KCNJ15: variants seen among roughly 807,000 people sequenced by gnomAD.
KCNJ15 encodes the protein ATP-sensitive inward rectifier potassium channel 15.
Under a neutral mutation model 23.0 loss-of-function variants are expected in KCNJ15, and 14 were observed. The ratio of observed to expected loss-of-function variants is 0.61; its 90% confidence interval spans 0.40 to 0.95. KCNJ15 has a LOEUF of 0.95. KCNJ15 is among the 40% of genes least tolerant of loss of function. The pLI, the probability that KCNJ15 is intolerant of heterozygous loss-of-function variation, is 0.00. For missense variants in KCNJ15, 388 were observed against 461.8 expected, an observed-to-expected ratio of 0.84 and a Z score of 1.46; for synonymous variants, 185 against 183.2, an observed-to-expected ratio of 1.01 and a Z score of -0.08.
chr21:38,238,246 C>T (rs1394425863), intron 1 of KCNJ15: 5 of 621,396 alleles, frequency 8.0e-6, no homozygotes, highest in African/African-American at 1.8e-5. Flanking sequence ...TAGCAGTTTT[C>T]GTAATTCACA....
chr21:38,281,237 T>C (rs141403399), intron 1 of KCNJ15, among the ~76,000 whole-genome samples: 8 of 152,294 alleles, frequency 5.3e-5, no homozygotes, highest in African/African-American at 9.6e-5. Context: ...GCACAATATA[T>C]ACATTTTTCG....
rs145250493 is a variant in KCNJ15 at position 38,246,599 on chromosome 21, A to T, written c.-398-10447A>T. Among the ~76,000 whole-genome samples, 4 of 152,316 alleles carry T rather than the reference A, an allele frequency of 2.6e-5. No homozygotes were observed. In the East Asian group the frequency reaches 7.7e-4, roughly 29 times the overall value. ...AAGATTAGTGTTAAAAACACAGACAAAGTCTGAATCTCTCCAATGCTTGAT... is the reference window on the plus strand; with the variant it reads ...AAGATTAGTGTTAAAAACACAGACATAGTCTGAATCTCTCCAATGCTTGAT... On this transcript the variant is annotated intron_variant, in intron 1 of 4. Coordinates refer to the KCNJ15 transcript ENST00000547341.
intron 1 of KCNJ15, among the ~76,000 whole-genome samples, chr21:38,288,056 T>TTTTTTTTTTTTTTTTTTTTC: frequency 7.6e-6 from 1 of 132,130 alleles, no homozygotes; most frequent in Non-Finnish European, 1.6e-5. Context: ...TTTTTTTTTT[T>TTTTTTTTTTTTTTTTTTTTC]TTGAGATGGA....
At position 38,257,123 on chromosome 21, in the gene KCNJ15, C is replaced by T. The variant is rs1168035157; in HGVS notation, c.-179C>T. ...CCCAAGGCAACCTGTCTGGACTGAGCATTTCTCTGACTTGACATAACTTCC... is the reference window on the plus strand; with the variant it reads ...CCCAAGGCAACCTGTCTGGACTGAGTATTTCTCTGACTTGACATAACTTCC... On this transcript the variant is annotated 5_prime_UTR_variant, in exon 1 of 3. Coordinates refer to ENST00000398938, the MANE Select transcript of KCNJ15 (RefSeq NM_170736.3). 1 of 152,254 alleles carries T rather than the reference C, an allele frequency of 6.6e-6. No homozygotes were observed. Among genetic ancestry groups the T allele is most frequent in the Non-Finnish European group, 1.5e-5 (1 of 68,054 alleles). 9.4% of individuals were successfully genotyped at this position (152,254 alleles called of 1,614,324 possible).
upstream of KCNJ15, among the ~76,000 whole-genome samples, chr21:38,252,349 T>C (rs369861050): frequency 1.3e-5 from 2 of 152,212 alleles, no homozygotes; most frequent in African/African-American, 2.4e-5. Flanking sequence ...TTCCCCTTCC[T>C]GTGGGCTTCT....
intron 1 of KCNJ15, among the ~76,000 whole-genome samples, chr21:38,235,730 A>G (rs1224789969): frequency 2.6e-5 from 4 of 152,178 alleles, no homozygotes; most frequent in African/African-American, 7.2e-5. Flanking sequence ...TACTCTATCA[A>G]TAATATGAAT....
At chr21:38,259,726 C>T (rs1980684669) in intron 1 of KCNJ15, among the ~76,000 whole-genome samples, 1 of 152,138 alleles carries the variant, frequency 6.6e-6, no homozygotes, top group Non-Finnish European at 1.5e-5. Flanking sequence ...GCTTTTGGTG[C>T]AGCTGATGGT....
At chr21:38,259,429 A>G (rs1231588415) in intron 1 of KCNJ15, among the ~76,000 whole-genome samples, 1 of 152,184 alleles carries the variant, frequency 6.6e-6, no homozygotes, top group African/African-American at 2.4e-5. Context: ...TATGTAAGTG[A>G]TACAGCTACC....
At chr21:38,298,544 C>T (rs1985408139) in intron 2 of KCNJ15, among the ~76,000 whole-genome samples, 1 of 152,108 alleles carries the variant, frequency 6.6e-6, no homozygotes, top group African/African-American at 2.4e-5. Flanking sequence ...TTTCCAAAGT[C>T]ATAACAAAAC....
At chr21:38,285,815 C>T (rs1048076425) in intron 1 of KCNJ15, 2 of 152,080 alleles carry the variant, frequency 1.3e-5, no homozygotes, top group Non-Finnish European at 2.9e-5. Context: ...TGGGAGATAC[C>T]GGAGGATTTA....
chr21:38,260,271 G>C (rs1980745047), intron 1 of KCNJ15, among the ~76,000 whole-genome samples: 2 of 152,294 alleles, frequency 1.3e-5, no homozygotes, highest in South Asian at 4.1e-4. Flanking sequence ...CACGTCTCTG[G>C]ATGAATTCAG....
chr21:38,246,755 G>A (rs575033234), intron 1 of KCNJ15, among the ~76,000 whole-genome samples: 117 of 152,270 alleles, frequency 7.7e-4, no homozygotes, highest in African/African-American at 2.5e-3. Context: ...TATGAGGAGT[G>A]TGTGTGTGGG....
rs1270516403 is a variant in KCNJ15 at position 38,305,042 on chromosome 21, T to C, written c.*4653T>C. ...TTGCAGTGAGCTAAGATCGCGCCAC[T>C]GCACTCCAGCCTGGGCAACAAAAGT... On this transcript the variant is annotated 3_prime_UTR_variant, in exon 3 of 3. Transcript: ENST00000398938. 1.6e-5 allele frequency: 2 copies of C among 125,536 alleles called. No homozygotes were observed. Among genetic ancestry groups the C allele is most frequent in the African/African-American group, 6.1e-5 (2 of 33,024 alleles). The allele number at this position is 125,536 out of a possible 1,614,324, so 7.8% of individuals were successfully genotyped here.
chr21:38,299,490 A>T lies in KCNJ15; in HGVS notation c.229A>T (p.Thr77Ser). The T allele has an allele frequency of 6.2e-7, 1 of 1,614,130 alleles. No individual in the cohort carries two copies. The highest frequency in any genetic ancestry group is 2.2e-5 in the East Asian group (1 of 44,880). The change falls in exon 3 of 3, where the codon ACC becomes TCC. Residue 77 changes from threonine to serine, a missense_variant. Coordinates refer to ENST00000398938, the MANE Select transcript of KCNJ15 (RefSeq NM_170736.3). The surrounding 1 kb of genome is among the most constrained non-coding windows in gnomAD (Gnocchi z 4.5). Reference protein sequence around the residue: ...LTLFAATFVMTWFLFGVIYYA... With the variant: ...LTLFAATFVMSWFLFGVIYYA... The stretch of plus-strand genomic sequence containing the variant: ...CCTGTTCGCTGCCACTTTTGTGATG[A>T]CCTGGTTCCTTTTTGGAGTCATCTA...
chr21:38,249,463 A>G (rs1979681408), intron 1 of KCNJ15, among the ~76,000 whole-genome samples: 1 of 152,220 alleles, frequency 6.6e-6, no homozygotes, highest in African/African-American at 2.4e-5. Flanking sequence ...GGTGACCACA[A>G]TGGCAAACCA....
At chr21:38,260,031 ATTTATAAATAAAGG>A (rs1980714569) in intron 1 of KCNJ15, among the ~76,000 whole-genome samples, 2 of 152,204 alleles carry the variant, frequency 1.3e-5, no homozygotes, top group African/African-American at 4.8e-5. Flanking sequence ...CTAAGTTATA[ATTTATAAATAAAGG>A]TTTATAAACA....
At chr21:38,235,478 T>TGGGA (rs1226837865) in intron 1 of KCNJ15, among the ~76,000 whole-genome samples, 1 of 152,122 alleles carries the variant, frequency 6.6e-6, no homozygotes, top group Non-Finnish European at 1.5e-5. Context: ...GGCTTGAACC[T>TGGGA]GGGAGGTGGA....
intron 1 of KCNJ15, among the ~76,000 whole-genome samples, chr21:38,240,767 TA>T (rs1038850023): frequency 2.6e-5 from 4 of 152,204 alleles, no homozygotes; most frequent in Admixed American, 2.0e-4. Flanking sequence ...CAAAAAGATT[TA>T]AAAATATGGT....
chr21:38,280,105 A>T (rs1486098577), intron 1 of KCNJ15, among the ~76,000 whole-genome samples: 1 of 152,134 alleles, frequency 6.6e-6, no homozygotes, highest in Non-Finnish European at 1.5e-5. Flanking sequence ...TGGTTGGAAG[A>T]CTGAGTCCTG....
Sources: gnomAD v4.1 joint callset for allele counts (sites outside exome capture counted in the v4.1 genomes callset) on GRCh38, gnomAD v4.1.1 for gene constraint, Gnocchi (gnomAD v3.1) non-coding constraint, MANE v1.5 for transcripts, NCBI Gene and HGNC (gene_info 2026-07-23, HGNC 2026-07-21) for gene names.